NSG2: variants seen among roughly 807,000 people sequenced by gnomAD.
NSG2 encodes the protein neuronal vesicle trafficking-associated protein 2.
Under a neutral mutation model 16.9 loss-of-function variants are expected in NSG2, and 4 were observed. The ratio of observed to expected loss-of-function variants is 0.24; its 90% CI spans 0.12 to 0.54. NSG2 has a LOEUF of 0.54. NSG2 is among the 20% of genes least tolerant of loss of function. NSG2 has a pLI of 0.95. For synonymous variants in NSG2, 98 were observed against 88.7 expected (o/e 1.11, Z -0.59); for missense variants, 179 against 221.1 (o/e 0.81, Z 1.21).
At chr5:174,086,551 G>A (rs1581236157) in intron 3 of NSG2, 1 of 152,252 alleles carries the variant, frequency 6.6e-6, no homozygotes, top group Admixed American at 6.5e-5. Flanking sequence ...CATTGGTGGT[G>A]TGTGCCTGCT....
intron 2 of NSG2, among the ~76,000 whole-genome samples, chr5:174,053,624 A>C (rs1196749745): frequency 6.6e-6 from 1 of 152,184 alleles, no homozygotes; most frequent in Non-Finnish European, 1.5e-5. Flanking sequence ...TCTTCAGAGA[A>C]TCTCAAGAGA....
At chr5:174,070,635 G>A (rs927475580) in intron 3 of NSG2, among the ~76,000 whole-genome samples, 1 of 152,226 alleles carries the variant, frequency 6.6e-6, no homozygotes, top group African/African-American at 2.4e-5. Context: ...GCTAACAAAT[G>A]TGTGGATCAG....
At chr5:174,049,270 G>A (rs1403371077) in intron 2 of NSG2, among the ~76,000 whole-genome samples, 1 of 152,186 alleles carries the variant, frequency 6.6e-6, no homozygotes, top group Non-Finnish European at 1.5e-5. Flanking sequence ...AACCTGGGAG[G>A]CAGAGCTTGC....
chr5:174,076,574 A>G (rs555474580), intron 3 of NSG2, among the ~76,000 whole-genome samples: 12 of 152,216 alleles, frequency 7.9e-5, no homozygotes, highest in Non-Finnish European at 1.8e-4. Context: ...TCTAATTTCT[A>G]AAAGAATCTC....
intron 3 of NSG2, among the ~76,000 whole-genome samples, chr5:174,075,518 T>G (rs1214584432): frequency 6.6e-6 from 1 of 152,214 alleles, no homozygotes; most frequent in Admixed American, 6.5e-5. Context: ...GTTGGCTCTC[T>G]CGTCCTCTTT....
At chr5:174,078,057 A>G (rs949922688) in intron 3 of NSG2, among the ~76,000 whole-genome samples, 6 of 152,224 alleles carry the variant, frequency 3.9e-5, no homozygotes, top group Non-Finnish European at 8.8e-5. Context: ...TGGTCAAAAC[A>G]AAATACAATT....
chr5:174,049,245 C>T (rs1248023496), intron 2 of NSG2, among the ~76,000 whole-genome samples: 1 of 152,132 alleles, frequency 6.6e-6, no homozygotes, highest in Admixed American at 6.5e-5. Flanking sequence ...GAGGCTGAGG[C>T]AGGAGAATGG....
At chr5:174,083,269 C>G (rs1442237403) in intron 3 of NSG2, among the ~76,000 whole-genome samples, 1 of 152,242 alleles carries the variant, frequency 6.6e-6, no homozygotes, top group Non-Finnish European at 1.5e-5. Flanking sequence ...GCTAGGCATT[C>G]AGCTTGTATC....
At chr5:174,080,447 A>G (rs1188324666) in intron 3 of NSG2, among the ~76,000 whole-genome samples, 1 of 147,684 alleles carries the variant, frequency 6.8e-6, no homozygotes, top group Admixed American at 6.6e-5. Flanking sequence ...AGGAGATGCT[A>G]CGTCTTTAAA....
At chr5:174,099,906 A>C (rs1760872306) in intron 3 of NSG2, among the ~76,000 whole-genome samples, 1 of 151,910 alleles carries the variant, frequency 6.6e-6, no homozygotes, top group South Asian at 2.1e-4. Flanking sequence ...AAGTGTCTAC[A>C]CCCATCAGTC....
intron 3 of NSG2, among the ~76,000 whole-genome samples, chr5:174,070,192 A>AT (rs1400450525): frequency 6.6e-6 from 1 of 151,894 alleles, no homozygotes; most frequent in South Asian, 2.1e-4. Context: ...CCGTCTGGTC[A>AT]TTTTTTTCGT....
intron 4 of NSG2, among the ~76,000 whole-genome samples, chr5:174,105,897 T>C (rs550408184): frequency 6.6e-6 from 1 of 151,864 alleles, no homozygotes; most frequent in Admixed American, 6.5e-5. Flanking sequence ...CGAGACTCTG[T>C]CTCAAAAAAA....
At chr5:174,080,607 G>A (rs1255470561) in intron 3 of NSG2, among the ~76,000 whole-genome samples, 1 of 145,484 alleles carries the variant, frequency 6.9e-6, no homozygotes, top group East Asian at 2.0e-4. Context: ...TGTCGTCCAG[G>A]CTGGGGTACA....
At chr5:174,079,610 T>C (rs1481678433) in intron 3 of NSG2, among the ~76,000 whole-genome samples, 1 of 152,202 alleles carries the variant, frequency 6.6e-6, no homozygotes, top group Non-Finnish European at 1.5e-5. Context: ...TCTTATTGCC[T>C]GTTTGATCAT....
At chr5:174,080,601 G>A (rs190011961) in intron 3 of NSG2, among the ~76,000 whole-genome samples, 33 of 133,258 alleles carry the variant, frequency 2.5e-4, no homozygotes, top group African/African-American at 2.9e-4. Context: ...CTGTTCTGTC[G>A]TCCAGGCTGG....
At chr5:174,086,812 G>T (rs1042118175) in intron 3 of NSG2, among the ~76,000 whole-genome samples, 1 of 152,186 alleles carries the variant, frequency 6.6e-6, no homozygotes, top group African/African-American at 2.4e-5. Context: ...CATTTCGGGA[G>T]CCCAGAGATT....
chr5:174,087,787 C>CA (rs552111181), intron 3 of NSG2, among the ~76,000 whole-genome samples: 2,038 of 131,592 alleles, frequency 0.015, 14 homozygotes, highest in African/African-American at 0.032. Context: ...GACCCTGTGT[C>CA]AAAAAAAAAA....
At chr5:174,077,946 C>T (rs1185332679) in intron 3 of NSG2, among the ~76,000 whole-genome samples, 4 of 152,016 alleles carry the variant, frequency 2.6e-5, no homozygotes, top group Non-Finnish European at 4.4e-5. Context: ...TTAAAGTCTC[C>T]CTTTCCCTCC....
intron 3 of NSG2, among the ~76,000 whole-genome samples, chr5:174,067,075 T>A (rs1561664663): frequency 1.4e-5 from 2 of 144,500 alleles, no homozygotes; most frequent in Non-Finnish European, 1.5e-5. Context: ...GAATGTTGAG[T>A]GAGTAAAATA....
Sources: allele counts gnomAD v4.1 joint callset (sites outside exome capture counted in the v4.1 genomes callset), GRCh38; gene constraint gnomAD v4.1.1; transcripts MANE v1.5; gene names NCBI Gene and HGNC (gene_info 2026-07-23, HGNC 2026-07-21).